The following MYO5A variants were observed in gnomAD, a reference collection of about 807,000 sequenced individuals.
MYO5A encodes myosin VA.
MYO5A carries 98 observed loss-of-function variants against 249.7 expected under a neutral mutation model. The ratio of observed to expected loss-of-function variants is 0.39; its 90% CI spans 0.33 to 0.46. MYO5A has a LOEUF of 0.46. MYO5A is among the 20% of genes least tolerant of loss of function. The pLI is 0.98. For synonymous variants in MYO5A, 778 were observed against 810.6 expected (o/e 0.96, Z 0.68); for missense variants, 1,696 against 2,308.8 (o/e 0.73, Z 5.44).
At chr15:52,385,473 A>G (rs2041933514) in intron 14 of MYO5A, among the ~76,000 whole-genome samples, 4 of 152,160 alleles carry the variant, frequency 2.6e-5, no homozygotes, top group African/African-American at 9.7e-5. Context: ...CAATTTATTT[A>G]TATGCTTCCT....
chr15:52,434,030 C>T lies in MYO5A; in HGVS notation c.28-745G>A, dbSNP rs192959793. On this transcript the variant is annotated intron_variant, in intron 1 of 41. Transcript: ENST00000399233. ...TTTTTTTTTTTTTGAGATACAGTCT[C>T]GCTCTGTTGCCCAGGCTGGAGTGCA... Among the ~76,000 whole-genome samples, 889 of 140,860 alleles carry T rather than the reference C, an allele frequency of 6.3e-3. 14 individuals carry two copies. Among genetic ancestry groups the T allele is most frequent in the African/African-American group, 0.023 (852 of 37,806 alleles). The allele number at this position is 140,860 out of a possible 152,430, so 92.4% of individuals were successfully genotyped here.
chr15:52,393,642 C>T (rs2042358619), intron 11 of MYO5A, among the ~76,000 whole-genome samples: 1 of 152,172 alleles, frequency 6.6e-6, no homozygotes, highest in African/African-American at 2.4e-5. Flanking sequence ...ATCTGCCTGT[C>T]TCGGCCTCCC....
At chr15:52,333,455 C>T (rs1026499345) in intron 34 of MYO5A, among the ~76,000 whole-genome samples, 3 of 152,028 alleles carry the variant, frequency 2.0e-5, no homozygotes, top group African/African-American at 7.2e-5. Context: ...AATCAGTGGC[C>T]CTTAGAAGGT....
chr15:52,468,890 A>T (rs1337826607), intron 1 of MYO5A, among the ~76,000 whole-genome samples: 1 of 152,130 alleles, frequency 6.6e-6, no homozygotes. Flanking sequence ...GTGGTGAGGG[A>T]ACCTTTAATT....
intron 1 of MYO5A, among the ~76,000 whole-genome samples, chr15:52,446,254 C>T (rs1029928892): frequency 6.6e-6 from 1 of 152,228 alleles, no homozygotes; most frequent in African/African-American, 2.4e-5. Context: ...TTCCTGCGTG[C>T]TGGCTGCTCC....
chr15:52,364,892 T>C (rs951420554), intron 23 of MYO5A, among the ~76,000 whole-genome samples, 190 bp from the exon 24 acceptor site: 1 of 152,188 alleles, frequency 6.6e-6, no homozygotes, highest in African/African-American at 2.4e-5. Context: ...TTATTAATAA[T>C]AACAATCATC....
In MYO5A at chr15:52,437,594, C is replaced by CAA. The variant is rs57299562; in HGVS notation, c.28-4311_28-4310dup. Among the ~76,000 whole-genome samples, 388 of 72,888 alleles carry CAA rather than the reference C, an allele frequency of 5.3e-3. 1 individual carries two copies. The highest frequency in any genetic ancestry group is 0.015 in the Middle Eastern group (2 of 136). The allele number at this position is 72,888 out of a possible 152,430, so 47.8% of individuals were successfully genotyped here. A position where few individuals can be genotyped will look rare whatever the true frequency, so the allele number is the denominator to read the frequency against. On this transcript the variant is annotated intron_variant, in intron 1 of 41. Transcript: ENST00000399233. ...TGGGCAACAGAGCAAGACTCCATCT[C>CAA]AAAAAAAAAAAAAAAAAAAAAAGAG...
At chr15:52,399,759 G>A (rs1423556277) in intron 9 of MYO5A, among the ~76,000 whole-genome samples, 1 of 152,090 alleles carries the variant, frequency 6.6e-6, no homozygotes, top group Non-Finnish European at 1.5e-5. Context: ...GAGTATGAAT[G>A]AATCCATCAC....
chr15:52,348,917 A>T, intron 28 of MYO5A, 91 bp from the exon 29 acceptor site: 1 of 1,366,974 alleles, frequency 7.3e-7, no homozygotes, highest in Non-Finnish European at 1.0e-6. Context: ...TTCCTATTAT[A>T]ACAGATAAAA....
At chr15:52,372,428 T>C in intron 20 of MYO5A, 65 bp from the exon 21 acceptor site, 2 of 1,586,688 alleles carry the variant, frequency 1.3e-6, no homozygotes, top group Non-Finnish European at 1.7e-6. Flanking sequence ...TATCAATCTA[T>C]GTCGGGCTGA....
intron 9 of MYO5A, among the ~76,000 whole-genome samples, chr15:52,402,950 C>A (rs2042827954): frequency 6.6e-6 from 1 of 152,194 alleles, no homozygotes. Flanking sequence ...TAGCTATCAT[C>A]AAATCAACAA....
At position 52,376,502 on chromosome 15, in the gene MYO5A, C is replaced by A. The variant is rs2041422530; in HGVS notation, c.2265G>T (p.Val755=). Residue 755 remains valine, a synonymous_variant, in exon 19 of 42, where the codon GTG becomes GTT. Transcript: ENST00000399233. The stretch of plus-strand genomic sequence containing the variant: ...CAGCTCTCAATTTTTCTAGATAGGC[C>A]ACTTGACCGGCACGGAAAAAGATCT... ...KTKIFFRAGQ[V]AYLEKLRADK... The A allele has an allele frequency of 6.2e-7, 1 of 1,614,058 alleles. No individual in the cohort carries two copies. Among genetic ancestry groups the A allele is most frequent in the South Asian group, 1.1e-5 (1 of 91,090 alleles).
In MYO5A at chr15:52,439,374, C is replaced by T. The variant is rs183853230; in HGVS notation, c.28-6089G>A. ...ACTCACACTACTCTAGATCTAGTCC[C>T]TCATTATCTTGTGAGAGTCTCTCAA... On this transcript the variant is annotated intron_variant, in intron 1 of 41. Coordinates refer to ENST00000399233, the MANE Select transcript of MYO5A (RefSeq NM_001382347.1). 5.4e-3 allele frequency among the ~76,000 whole-genome samples: 829 copies of T among 152,280 alleles called. 23 individuals are homozygous for T. Among genetic ancestry groups the T allele is most frequent in the South Asian group, 2.1e-3 (10 of 4,820 alleles).
At chr15:52,474,638 T>G (rs561620240) in intron 1 of MYO5A, among the ~76,000 whole-genome samples, 1 of 152,190 alleles carries the variant, frequency 6.6e-6, no homozygotes, top group Non-Finnish European at 1.5e-5. Context: ...CTGCATCTAT[T>G]GAGATAATCA....
At position 52,319,148 on chromosome 15, in the gene MYO5A, G is replaced by C. The variant is rs1673792949; in HGVS notation, c.5146C>G (p.Gln1716Glu). 1.9e-6 allele frequency: 3 copies of C among 1,614,070 alleles called. No homozygotes were observed. Among genetic ancestry groups the C allele is most frequent in the Non-Finnish European group, 2.5e-6 (3 of 1,180,038 alleles). ...ATGGCCCCTATGATGTAGAACATCTGCTTGACCACCTGCTTGATCAGTTCA... is the reference window on the plus strand; with the variant it reads ...ATGGCCCCTATGATGTAGAACATCTCCTTGACCACCTGCTTGATCAGTTCA... ...DPELIKQVVK[Q>E]MFYIIGAITL... Residue 1716 changes from glutamine (Q) to glutamate (E), a missense_variant, in exon 39 of 42, where the codon CAG (glutamine) becomes GAG (glutamate). Gln to Glu is a conservative substitution (Grantham distance 29). Coordinates refer to ENST00000399233, the MANE Select transcript of MYO5A (RefSeq NM_001382347.1).
intron 5 of MYO5A, 42 bp from the exon 6 acceptor site, chr15:52,410,518 CA>C (rs780030957): frequency 1.3e-6 from 2 of 1,545,904 alleles, no homozygotes; most frequent in African/African-American, 1.4e-5. Context: ...AAGTGTAATT[CA>C]TAACATGACA....
chr15:52,511,738 C>T (rs2077393220), intron 1 of MYO5A, among the ~76,000 whole-genome samples: 2 of 152,146 alleles, frequency 1.3e-5, no homozygotes, highest in Non-Finnish European at 2.9e-5. Context: ...TGGAGAACTG[C>T]CTTTTAGTAA....
At chr15:52,510,603 T>C (rs147881645) in intron 1 of MYO5A, among the ~76,000 whole-genome samples, 123 of 152,314 alleles carry the variant, frequency 8.1e-4, no homozygotes, top group Admixed American at 6.0e-3. Context: ...TAGATTCTCA[T>C]AGGAGCATGA....
intron 4 of MYO5A, among the ~76,000 whole-genome samples, chr15:52,419,583 T>C (rs2444015): frequency 0.28 from 41,869 of 152,108 alleles, 6,951 homozygotes; most frequent in East Asian, 0.64. Flanking sequence ...TTTTGAAGCA[T>C]AAATATTTAC....
Sources: allele counts gnomAD v4.1 joint callset (sites outside exome capture counted in the v4.1 genomes callset), GRCh38; gene constraint gnomAD v4.1.1; transcripts MANE v1.5; gene names NCBI Gene and HGNC (gene_info 2026-07-23, HGNC 2026-07-21).